Variants in GET1 observed in about 807,000 individuals in gnomAD.
GET1 encodes the protein congenital heart disease 5 protein.
In GET1, 20 loss-of-function variants were observed where a neutral mutation model predicts 22.6. That is an observed-to-expected ratio of 0.89 (90% CI 0.62 to 1.29). GET1 has a LOEUF of 1.29. Among genes scored for constraint, GET1 ranks in the 50% most tolerant of loss-of-function variants. The probability of loss-of-function intolerance (pLI) is 0.00; values close to 1 mark genes in which losing one functional copy is unlikely to be tolerated. For synonymous variants in GET1, 92 were observed against 83.8 expected (o/e 1.10, Z -0.53); for missense variants, 209 against 219.9 (o/e 0.95, Z 0.31).
At chr21:39,383,344 C>T (rs1231447586) in intron 1 of GET1, among the ~76,000 whole-genome samples, 1 of 151,728 alleles carries the variant, frequency 6.6e-6, no homozygotes, top group African/African-American at 2.4e-5. Context: ...TGCAATGGCG[C>T]AATCTCAGCT....
In GET1 at chr21:39,380,507, C is replaced by T. The variant is rs747681459; in HGVS notation, c.102+21C>T. On this transcript the variant is annotated intron_variant, in intron 1 of 4. Transcript: ENST00000649170. ...CCTTCGTAAGTGGCTGCCTGGCCTC[C>T]CAAGGGCCGGTGGGGATGCCGCCCC... The T allele has an allele frequency of 6.2e-6, 10 of 1,600,876 alleles. No individual in the cohort carries two copies. In the East Asian group the frequency reaches 2.3e-4, roughly 36 times the overall value.
At chr21:39,411,785 A>G (rs769708155) in intron 1 of GET1, 6 of 1,587,250 alleles carry the variant, frequency 3.8e-6, no homozygotes, top group Non-Finnish European at 5.2e-6. Flanking sequence ...TTTTAATTTC[A>G]AGCTCACGAT....
rs760852334 is a variant in GET1, at chr21:39,422,939, T to G, written c.*24-5293T>G. On this transcript the variant is annotated intron_variant, in intron 1 of 1. Coordinates refer to the GET1 transcript ENST00000478273. ...ATTCACACCCTCTCTCTATTAACTT[T>G]GGAATCTTAAACTGTCTGGGCCCCT... 30 of 1,587,416 alleles carry G rather than the reference T, an allele frequency of 1.9e-5. No homozygotes were observed. In the South Asian group the frequency reaches 3.1e-4, roughly 16 times the overall value.
chr21:39,420,053 A>G (rs1165123842), intron 1 of GET1, among the ~76,000 whole-genome samples: 2 of 152,208 alleles, frequency 1.3e-5, no homozygotes, highest in Non-Finnish European at 2.9e-5. Flanking sequence ...CAAACGCTGT[A>G]TTACTTAACG....
downstream of GET1, chr21:39,408,718 C>T (rs2039539944): frequency 6.6e-6 from 1 of 152,234 alleles, no homozygotes. Context: ...TCTGGGCAGC[C>T]CGTTCTCTTG....
chr21:39,420,911 G>T, intron 1 of GET1: 2 of 1,201,580 alleles, frequency 1.7e-6, no homozygotes, highest in South Asian at 1.3e-5. Flanking sequence ...AATTATCATG[G>T]AACTAACTAC....
intron 1 of GET1, among the ~76,000 whole-genome samples, chr21:39,414,492 G>A (rs2040686319): frequency 6.6e-6 from 1 of 152,148 alleles, no homozygotes; most frequent in South Asian, 2.1e-4. Flanking sequence ...CTCAAACTAT[G>A]ACTTTCGTTA....
chr21:39,397,045 T>C lies in GET1; in HGVS notation c.*106T>C. Reference sequence around the variant, plus strand: ...TTTTAAGAAACAAAAGTGCATAGTTTAGATTTTTTTTTTGTTGAATATGTT... The same window carrying C: ...TTTTAAGAAACAAAAGTGCATAGTTCAGATTTTTTTTTTGTTGAATATGTT... On this transcript the variant is annotated 3_prime_UTR_variant, in exon 5 of 5. Transcript: ENST00000649170. The C allele has an allele frequency of 2.4e-6, 3 of 1,249,618 alleles. No homozygotes were observed. Among genetic ancestry groups the C allele is most frequent in the African/African-American group, 3.0e-5 (2 of 66,338 alleles). The allele number at this position is 1,249,618 out of a possible 1,614,324, so 77.4% of individuals were successfully genotyped here.
At chr21:39,391,983 C>G in intron 3 of GET1, 147 bp downstream of exon 3, 1 of 686,546 alleles carries the variant, frequency 1.5e-6, no homozygotes, top group East Asian at 2.8e-5. Flanking sequence ...GCTCTAAACA[C>G]TCTCGGTCTC....
Position 39,411,760 on chromosome 21 carries a change from G to C in GET1, c.*23+823G>C, listed in dbSNP as rs758684261. ...GTGTCATGTAAATTTTTAAGTATTC[G>C]ATGACTATAGATGTTTTTAATTTCA... is the stretch of plus-strand genomic sequence containing the variant. On this transcript the variant is annotated intron_variant, in intron 1 of 1. Transcript: ENST00000478273. The C allele has an allele frequency of 1.9e-6, 3 of 1,586,776 alleles. No homozygotes were observed. In the South Asian group the frequency reaches 3.5e-5, roughly 18 times the overall value.
At chr21:39,403,615 C>CTATTTT (rs991033281) in intron 4 of GET1, among the ~76,000 whole-genome samples, 2 of 138,484 alleles carry the variant, frequency 1.4e-5, no homozygotes, top group Non-Finnish European at 3.2e-5. Flanking sequence ...TCCCGGTCTA[C>CTATTTT]TATTTTTATT....
In GET1 at chr21:39,423,372, C is replaced by G. The variant is rs771872757; in HGVS notation, c.*24-4860C>G. 5 of 1,612,308 alleles carry G rather than the reference C, an allele frequency of 3.1e-6. 1 individual carries two copies. In the South Asian group the frequency reaches 3.3e-5, roughly 11 times the overall value. ...TTTTTAGTCCTTTAATTTTATGAAG[C>G]CTTGCTGAGAGTATTCGATGAGCCA... On this transcript the variant is annotated intron_variant, in intron 1 of 1. Transcript: ENST00000478273.
chr21:39,409,369 A>C (rs1403661304), downstream of GET1, among the ~76,000 whole-genome samples: 2 of 152,092 alleles, frequency 1.3e-5, no homozygotes, highest in Non-Finnish European at 2.9e-5. This position sits in a 1 kb window ranked among gnomAD's most constrained non-coding sequence, Gnocchi z 4.2. Flanking sequence ...ATGGCAGCCC[A>C]AGCAGACGAA....
At chr21:39,411,634 T>C in intron 1 of GET1, 1 of 643,430 alleles carries the variant, frequency 1.6e-6, no homozygotes. Context: ...TTTTTGAAAA[T>C]ATCCATTATT....
chr21:39,396,817 G>A, intron 4 of GET1, 49 bp from the exon 5 acceptor site: 1 of 1,529,882 alleles, frequency 6.5e-7, no homozygotes, highest in South Asian at 1.1e-5. Flanking sequence ...AGACAGATGG[G>A]GGCAGCACTG....
intron 1 of GET1, chr21:39,420,661 C>T (rs765628214): frequency 1.0e-5 from 16 of 1,536,098 alleles, no homozygotes; most frequent in Admixed American, 3.4e-5. Flanking sequence ...TCATATATTT[C>T]GGGAAACAGG....
chr21:39,393,392 G>T (rs1036263732), intron 4 of GET1, 112 bp downstream of exon 4: 19 of 850,184 alleles, frequency 2.2e-5, no homozygotes, highest in Admixed American at 7.3e-5. Context: ...TTAGTGAGCG[G>T]GGTTTTGTGT....
intron 1 of GET1, among the ~76,000 whole-genome samples, chr21:39,415,259 G>A (rs1390765269): frequency 1.3e-5 from 2 of 152,096 alleles, no homozygotes; most frequent in African/African-American, 2.4e-5. Flanking sequence ...GGGACAAAAA[G>A]CATGTGTTGA....
intron 1 of GET1, chr21:39,386,064 G>GA (rs1359359702): frequency 1.3e-5 from 2 of 152,292 alleles, no homozygotes; most frequent in African/African-American, 4.8e-5. Context: ...GAGCTTTGCA[G>GA]ATGAAGGACT....
Sources: gnomAD v4.1 joint callset for allele counts (sites outside exome capture counted in the v4.1 genomes callset) on GRCh38, gnomAD v4.1.1 for gene constraint, Gnocchi (gnomAD v3.1) non-coding constraint, MANE v1.5 for transcripts, NCBI Gene and HGNC (gene_info 2026-07-23, HGNC 2026-07-21) for gene names.